CCDC141: variants seen among roughly 807,000 people sequenced by gnomAD.
CCDC141 encodes coiled-coil domain containing 141, also known as coiled-coil domain-containing protein 141.
CCDC141 carries 168 observed loss-of-function variants against 181.0 expected under a neutral mutation model. The ratio of observed to expected loss-of-function variants is 0.93; its 90% CI spans 0.82 to 1.05. CCDC141 has a LOEUF of 1.05. CCDC141 is among the 50% of genes least tolerant of loss of function. The pLI is 0.00. For missense variants in CCDC141, 1,902 were observed against 1,788.5 expected, an observed-to-expected ratio of 1.06 and a Z score of -1.14; for synonymous variants, 666 against 642.3, an observed-to-expected ratio of 1.04 and a Z score of -0.56.
At chr2:178,946,379 G>A (rs896706595) in intron 5 of CCDC141, among the ~76,000 whole-genome samples, 2 of 151,990 alleles carry the variant, frequency 1.3e-5, no homozygotes, top group East Asian at 1.9e-4. Flanking sequence ...AAAATTCAGT[G>A]AGCCCCCATA....
At chr2:179,009,246 C>A (rs997976907) in intron 2 of CCDC141, among the ~76,000 whole-genome samples, 1 of 152,162 alleles carries the variant, frequency 6.6e-6, no homozygotes, top group Admixed American at 6.6e-5. Context: ...GAAGCTGTTA[C>A]AACTTTATTG....
At chr2:178,828,140 G>A (rs1263722281), downstream of CCDC141, among the ~76,000 whole-genome samples, 2 of 151,996 alleles carry the variant, frequency 1.3e-5, no homozygotes, top group Non-Finnish European at 2.9e-5. Context: ...ACTGAACCCG[G>A]TAGAGTCCTC....
chr2:179,034,368 G>A (rs2043081089), intron 2 of CCDC141, among the ~76,000 whole-genome samples: 1 of 152,138 alleles, frequency 6.6e-6, no homozygotes, highest in Admixed American at 6.5e-5. Context: ...TGGGAGGAAT[G>A]AGAGGATCAG....
intron 8 of CCDC141, among the ~76,000 whole-genome samples, chr2:178,904,349 T>A (rs1687858534): frequency 6.6e-6 from 1 of 152,184 alleles, no homozygotes; most frequent in Non-Finnish European, 1.5e-5. Flanking sequence ...AACCCTGGGT[T>A]AAATACCCCT....
chr2:179,047,488 T>A (rs2043536930), intron 1 of CCDC141, 82 bp from the exon 2 acceptor site: 1 of 1,227,630 alleles, frequency 8.1e-7, no homozygotes, highest in African/African-American at 1.6e-5. Context: ...AATATATCGT[T>A]TAAATTTCCA....
chr2:178,829,469 C>T (rs1365264908), downstream of CCDC141, among the ~76,000 whole-genome samples: 3 of 152,190 alleles, frequency 2.0e-5, no homozygotes, highest in East Asian at 5.8e-4. Context: ...GTTATACAAA[C>T]TCTCACCATC....
chr2:179,018,246 T>A (rs940117780), intron 2 of CCDC141, among the ~76,000 whole-genome samples: 13 of 152,102 alleles, frequency 8.5e-5, no homozygotes, highest in African/African-American at 3.1e-4. Context: ...GTCCCCTGAA[T>A]AGCAATTTTC....
intron 23 of CCDC141, 89 bp downstream of exon 23, chr2:178,836,805 C>T: frequency 7.1e-7 from 1 of 1,414,226 alleles, no homozygotes; most frequent in Non-Finnish European, 9.6e-7. Flanking sequence ...ATCAGCTAGC[C>T]CTAAACCTTT....
rs560055795 is a variant in CCDC141, at chr2:178,914,008, A to G, written c.1092+4705T>C. On this transcript the variant is annotated intron_variant, in intron 7 of 23. Coordinates refer to ENST00000443758, the MANE Select transcript of CCDC141 (RefSeq NM_173648.4). ...TGTATATTTATCTCTGATTCAAACT[A>G]CATTCCCTTAACAATGATAAATACG... 5.3e-5 allele frequency among the ~76,000 whole-genome samples: 8 copies of G among 152,338 alleles called. No homozygotes were observed. In the South Asian group the frequency reaches 1.7e-3, roughly 32 times the overall value.
intron 2 of CCDC141, among the ~76,000 whole-genome samples, chr2:179,031,169 G>A (rs1280478676): frequency 1.3e-5 from 2 of 150,492 alleles, no homozygotes; most frequent in Non-Finnish European, 3.0e-5. Context: ...TATATATTGG[G>A]ATAAATTAAA....
At chr2:178,936,539 A>C (rs2154376347) in intron 6 of CCDC141, among the ~76,000 whole-genome samples, 1 of 152,150 alleles carries the variant, frequency 6.6e-6, no homozygotes, top group East Asian at 1.9e-4. Context: ...TAATGCCTCC[A>C]GCTTTGTTCT....
At chr2:178,922,872 C>CT (rs1031406308) in intron 6 of CCDC141, among the ~76,000 whole-genome samples, 1 of 152,140 alleles carries the variant, frequency 6.6e-6, no homozygotes, top group African/African-American at 2.4e-5. Context: ...TGGCTCTTAT[C>CT]TTTTTTTGTT....
intron 2 of CCDC141, among the ~76,000 whole-genome samples, chr2:179,008,500 C>T (rs985168799): frequency 6.6e-6 from 1 of 152,208 alleles, no homozygotes; most frequent in African/African-American, 2.4e-5. Flanking sequence ...TCAAACCTCA[C>T]TCAGTGAACT....
At chr2:178,851,109 G>C (rs1042554091) in intron 20 of CCDC141, among the ~76,000 whole-genome samples, 1 of 151,684 alleles carries the variant, frequency 6.6e-6, no homozygotes, top group African/African-American at 2.4e-5. Flanking sequence ...GGGAGGCTGA[G>C]GCAGGAGAAT....
chr2:178,870,327 T>C (rs1366092215), intron 14 of CCDC141, among the ~76,000 whole-genome samples: 1 of 62,468 alleles, frequency 1.6e-5, no homozygotes, highest in Non-Finnish European at 3.5e-5. Flanking sequence ...GTAAAAGTAA[T>C]GGAAATGATT....
intron 19 of CCDC141, 42 bp from the exon 20 acceptor site, chr2:178,853,666 T>G: frequency 6.5e-7 from 1 of 1,540,518 alleles, no homozygotes. Context: ...AGAAATACCA[T>G]CCTTCTAAAG....
At chr2:178,860,514 C>G (rs1451087917) in intron 17 of CCDC141, among the ~76,000 whole-genome samples, 2 of 122,010 alleles carry the variant, frequency 1.6e-5, no homozygotes, top group Non-Finnish European at 3.2e-5. Flanking sequence ...GCCAGGGCAA[C>G]AGAGCGAGAC....
chr2:178,972,948 G>T (rs1276457937), intron 4 of CCDC141, among the ~76,000 whole-genome samples: 1 of 152,066 alleles, frequency 6.6e-6, no homozygotes, highest in Non-Finnish European at 1.5e-5. Flanking sequence ...GACTATTAGG[G>T]GTAAGTTTGA....
chr2:178,925,823 A>T (rs1440988352), intron 6 of CCDC141, among the ~76,000 whole-genome samples: 1 of 152,130 alleles, frequency 6.6e-6, no homozygotes, highest in African/African-American at 2.4e-5. Context: ...GTTTATCTTA[A>T]TGTTCTCGGA....
Sources: allele counts gnomAD v4.1 joint callset (sites outside exome capture counted in the v4.1 genomes callset), GRCh38; gene constraint gnomAD v4.1.1; transcripts MANE v1.5; gene names NCBI Gene and HGNC (gene_info 2026-07-23, HGNC 2026-07-21).